The following PTPRN2 variants were observed in gnomAD, a reference collection of about 807,000 sequenced individuals.
PTPRN2 encodes the protein receptor-type tyrosine-protein phosphatase N2.
A neutral mutation model predicts 118.8 loss-of-function variants in PTPRN2; 74 were observed. The observed-to-expected ratio is 0.62, with a 90% CI of 0.52 to 0.76. The LOEUF (loss-of-function observed/expected upper bound fraction) is 0.76. PTPRN2 is among the 30% of genes least tolerant of loss of function. The probability of loss-of-function intolerance (pLI) is 0.00; values close to 1 mark genes in which losing one functional copy is unlikely to be tolerated. For missense variants in PTPRN2, 1,481 were observed against 1,394.4 expected, an observed-to-expected ratio of 1.06 and a Z score of -0.99; for synonymous variants, 641 against 608.0, an observed-to-expected ratio of 1.05 and a Z score of -0.80.
chr7:158,143,967 G>T (rs1354755953), intron 6 of PTPRN2, among the ~76,000 whole-genome samples: 2 of 152,126 alleles, frequency 1.3e-5, no homozygotes, highest in Non-Finnish European at 2.9e-5. Context: ...CAGGACTGCA[G>T]CCCCGGGCCA....
At chr7:157,972,064 T>C (rs573686631) in intron 11 of PTPRN2, among the ~76,000 whole-genome samples, 1 of 152,320 alleles carries the variant, frequency 6.6e-6, no homozygotes, top group East Asian at 1.9e-4. Context: ...GGGCAAATCG[T>C]GCGCTGCCTC....
chr7:158,305,804 A>AG lies in PTPRN2; in HGVS notation c.277+11014_277+11015insC, dbSNP rs905613791. Among the ~76,000 whole-genome samples the AG allele has an allele frequency of 6.6e-5, 10 of 152,138 alleles. 1 individual carries two copies. The South Asian group carries it at 1.5e-3, about 22-fold the overall frequency. ...AGAGCAATTTACTCAAAAAAAAAAA[A>AG]AAAGAAAGAAAGAAAAAGAAAGAAA... On this transcript the variant is annotated intron_variant, in intron 3 of 22. Coordinates refer to ENST00000389418, the MANE Select transcript of PTPRN2 (RefSeq NM_002847.5).
chr7:157,726,813 G>T (rs1799629447), intron 12 of PTPRN2, among the ~76,000 whole-genome samples: 1 of 152,180 alleles, frequency 6.6e-6, no homozygotes, highest in Non-Finnish European at 1.5e-5. Context: ...CTACAATAAC[G>T]ATGGAAAACC....
In PTPRN2 at chr7:157,972,545, G is replaced by A. The variant is rs771440118; in HGVS notation, c.1724-73808C>T. Among the ~76,000 whole-genome samples, 269 of 97,358 alleles carry A rather than the reference G, an allele frequency of 2.8e-3. 2 individuals are homozygous for A. The highest frequency in any genetic ancestry group is 4.5e-3 in the Non-Finnish European group (215 of 47,356). 63.9% of individuals were successfully genotyped at this position (97,358 alleles called of 152,430 possible). ...ACGAGAGCAGGGCTTCAGAGACCAC[G>A]GGAACTCCACACCACGAGAGCAGGG... On this transcript the variant is annotated intron_variant, in intron 11 of 22. Transcript: ENST00000389418.
rs762509013 is a variant in PTPRN2, at chr7:157,845,637, C to T, written c.1788+53036G>A. On this transcript the variant is annotated intron_variant, in intron 12 of 22. Transcript: ENST00000389418. This position sits in a 1 kb window ranked among gnomAD's most constrained non-coding sequence, Gnocchi z 4.5. ...TGCATGGAGGAGCCACTTGCAGATG[C>T]GGTAACCCACTGTGCGGCACAGAAC... Among the ~76,000 whole-genome samples, 4 of 152,196 alleles carry T rather than the reference C, an allele frequency of 2.6e-5. No individual in the cohort carries two copies. Among genetic ancestry groups the T allele is most frequent in the African/African-American group, 7.2e-5 (3 of 41,438 alleles).
At chr7:158,330,027 A>G in intron 2 of PTPRN2, among the ~76,000 whole-genome samples, 1 of 149,678 alleles carries the variant, frequency 6.7e-6, no homozygotes, top group African/African-American at 2.5e-5. Flanking sequence ...TCTCACCATA[A>G]GAGGTGACAT....
At chr7:158,338,285 C>A (rs1433044661) in intron 2 of PTPRN2, among the ~76,000 whole-genome samples, 2 of 72,074 alleles carry the variant, frequency 2.8e-5, no homozygotes, top group Non-Finnish European at 2.7e-5. Flanking sequence ...GCGCTGACAC[C>A]TGCTGACGTC....
rs1282662884 is a variant in PTPRN2 at position 157,656,495 on chromosome 7, G to C, written c.2058C>G (p.His686Gln). The C allele has an allele frequency of 1.3e-6, 2 of 1,554,154 alleles. No homozygotes were observed. Among genetic ancestry groups the C allele is most frequent in the East Asian group, 2.4e-5 (1 of 41,654 alleles). Residue 686 changes from histidine (H) to glutamine (Q), a missense_variant, in exon 14 of 23, where the codon CAC becomes CAG. Around this residue, in one of 3 missense-constraint regions of PTPRN2, gnomAD observed 1,115 missense variants for 994.2 expected, o/e 1.12. Transcript: ENST00000389418. ...TRPPDRPEGP[H>Q]TSRISSVSSQ... Reference sequence around the variant, plus strand: ...ATGAGACGCTGCTGATGCGTGACGTGTGCGGGCCCTCAGGTCGGTCTGGTG... The same window carrying C: ...ATGAGACGCTGCTGATGCGTGACGTCTGCGGGCCCTCAGGTCGGTCTGGTG...
At chr7:158,041,541 G>A (rs2128889976) in intron 11 of PTPRN2, among the ~76,000 whole-genome samples, 1 of 152,240 alleles carries the variant, frequency 6.6e-6, no homozygotes, top group East Asian at 1.9e-4. Flanking sequence ...AGGAGGCTGA[G>A]GCAGGAGAAT....
At chr7:158,091,722 A>G (rs1327197753) in intron 10 of PTPRN2, among the ~76,000 whole-genome samples, 5 of 113,252 alleles carry the variant, frequency 4.4e-5, no homozygotes, top group Admixed American at 3.8e-4. Context: ...ATGAGCAGAG[A>G]GATGGTTGGG....
intron 12 of PTPRN2, among the ~76,000 whole-genome samples, chr7:157,750,554 T>C (rs545957571): frequency 3.9e-5 from 6 of 152,312 alleles, no homozygotes; most frequent in Non-Finnish European, 7.4e-5. Flanking sequence ...TGCCAATATC[T>C]GAGTGAACAG....
chr7:158,367,334 T>C (rs1167697103), intron 2 of PTPRN2, among the ~76,000 whole-genome samples: 3 of 152,236 alleles, frequency 2.0e-5, no homozygotes, highest in African/African-American at 7.2e-5. Flanking sequence ...CCAAGTCCTG[T>C]GTTCTCACCT....
chr7:158,332,401 C>G lies in PTPRN2; in HGVS notation c.164-15469G>C, dbSNP rs1239722027. On this transcript the variant is annotated intron_variant, in intron 2 of 22. Coordinates refer to ENST00000389418, the MANE Select transcript of PTPRN2 (RefSeq NM_002847.5). ...TGACACCTGCAGATGTCACTCACAC[C>G]CATACTCTCAACATAAGAGCTGACA... 3.2e-4 allele frequency among the ~76,000 whole-genome samples: 41 copies of G among 129,330 alleles called. 1 individual carries two copies. Among genetic ancestry groups the G allele is most frequent in the African/African-American group, 9.9e-4 (37 of 37,204 alleles). The allele number at this position is 129,330 out of a possible 152,430, so 84.8% of individuals were successfully genotyped here. A position where few individuals can be genotyped will look rare whatever the true frequency, so the allele number is the denominator to read the frequency against.
chr7:158,362,948 C>T (rs189015061), intron 2 of PTPRN2, among the ~76,000 whole-genome samples: 152 of 152,312 alleles, frequency 1.0e-3, no homozygotes, highest in Middle Eastern at 3.4e-3. Context: ...CTCAAAACGA[C>T]GCCACTGGAG....
intron 2 of PTPRN2, among the ~76,000 whole-genome samples, chr7:158,351,549 G>A (rs1003206196): frequency 2.6e-5 from 4 of 152,186 alleles, no homozygotes; most frequent in African/African-American, 9.7e-5. Flanking sequence ...GGGCACTTTA[G>A]CCCCGCGTTT....
chr7:157,556,581 A>G (rs2150481149), intron 21 of PTPRN2, among the ~76,000 whole-genome samples: 1 of 150,090 alleles, frequency 6.7e-6, no homozygotes, highest in Middle Eastern at 3.7e-3. Flanking sequence ...ACACATACAC[A>G]TTCATGCACA....
At chr7:157,548,861 G>C in intron 22 of PTPRN2, 85 bp downstream of exon 22, 1 of 1,284,966 alleles carries the variant, frequency 7.8e-7, no homozygotes, top group Non-Finnish European at 1.1e-6. Flanking sequence ...CATTAAACCA[G>C]GCCCTCCCCG....
At chr7:158,371,703 T>C (rs921606) in intron 2 of PTPRN2, among the ~76,000 whole-genome samples, 148,579 of 152,292 alleles carry the variant, frequency 0.98, 72,489 homozygotes, top group East Asian at 1. Context: ...TCTAAGGAAA[T>C]GATTCATATG....
chr7:158,535,785 G>A (rs1055190588), intron 1 of PTPRN2, among the ~76,000 whole-genome samples: 1 of 151,110 alleles, frequency 6.6e-6, no homozygotes, highest in African/African-American at 2.4e-5. Flanking sequence ...AGACTGGAAG[G>A]AAACACAGTA....
Sources: allele counts gnomAD v4.1 joint callset (sites outside exome capture counted in the v4.1 genomes callset), GRCh38; gene constraint gnomAD v4.1.1; regional missense constraint gnomAD v4.1.1; non-coding constraint Gnocchi (gnomAD v3.1); transcripts MANE v1.5; gene names NCBI Gene and HGNC (gene_info 2026-07-23, HGNC 2026-07-21).